PSME4: variants seen among roughly 807,000 people sequenced by gnomAD.
PSME4 encodes the protein proteasome activator complex subunit 4.
A neutral mutation model predicts 253.9 loss-of-function variants in PSME4; 89 were observed. The observed-to-expected ratio is 0.35, with a 90% CI of 0.30 to 0.42. The LOEUF (loss-of-function observed/expected upper bound fraction) is 0.42. PSME4 is among the 10% of genes least tolerant of loss of function. The pLI, the probability that PSME4 is intolerant of heterozygous loss-of-function variation, is 1.00. For missense variants in PSME4, 2,014 were observed against 2,195.2 expected (o/e 0.92, Z 1.65); for synonymous variants, 851 against 759.2 (o/e 1.12, Z -1.99).
At chr2:53,942,898 G>T (rs805365) in intron 3 of PSME4, among the ~76,000 whole-genome samples, 43,618 of 152,030 alleles carry the variant, frequency 0.29, 6,710 homozygotes, top group South Asian at 0.47. Context: ...TCTTGTTCCA[G>T]TTTCAACCAA....
At chr2:53,967,468 C>G (rs1670791036) in intron 1 of PSME4, among the ~76,000 whole-genome samples, 1 of 151,298 alleles carries the variant, frequency 6.6e-6, no homozygotes, top group African/African-American at 2.4e-5. Context: ...ATGGTGAAAC[C>G]CCGTCTCTAC....
intron 40 of PSME4, among the ~76,000 whole-genome samples, 177 bp from the exon 41 acceptor site, chr2:53,885,952 A>C (rs1041410771): frequency 1.3e-5 from 2 of 152,214 alleles, no homozygotes; most frequent in Non-Finnish European, 2.9e-5. Flanking sequence ...GTATAACAGC[A>C]CCCAAAATAA....
intron 26 of PSME4, among the ~76,000 whole-genome samples, chr2:53,905,418 T>G (rs911229854): frequency 1.2e-4 from 19 of 152,172 alleles, no homozygotes; most frequent in African/African-American, 4.1e-4. Flanking sequence ...AATGTTCAGG[T>G]AGCCGGGCAT....
At chr2:53,953,415 G>A (rs571283595) in intron 1 of PSME4, among the ~76,000 whole-genome samples, 3 of 149,872 alleles carry the variant, frequency 2.0e-5, no homozygotes, top group African/African-American at 4.9e-5. Flanking sequence ...TTTGGGAGGC[G>A]AAGGCAGGAG....
intron 43 of PSME4, among the ~76,000 whole-genome samples, chr2:53,871,306 A>G (rs1036985373): frequency 6.6e-6 from 1 of 151,874 alleles, no homozygotes; most frequent in African/African-American, 2.4e-5. Flanking sequence ...GATGGAGTGC[A>G]GTGGCACGAT....
intron 17 of PSME4, among the ~76,000 whole-genome samples, chr2:53,922,281 T>C (rs1297975607): frequency 6.6e-6 from 1 of 152,160 alleles, no homozygotes; most frequent in African/African-American, 2.4e-5. Context: ...AATTAATGAG[T>C]TACCCATATT....
intron 41 of PSME4, among the ~76,000 whole-genome samples, chr2:53,878,031 A>C (rs969038678): frequency 6.6e-6 from 1 of 152,196 alleles, no homozygotes; most frequent in Non-Finnish European, 1.5e-5. Flanking sequence ...ATAACCAATA[A>C]AGAGGGGTGT....
rs1558701400 is a variant in PSME4, at chr2:53,936,747, GA to G, written c.759+16del. 19 of 1,539,558 alleles carry G rather than the reference GA, an allele frequency of 1.2e-5. No individual in the cohort carries two copies. The highest frequency in any genetic ancestry group is 4.8e-5 in the East Asian group (2 of 42,012). ...AAAAAACTATAGGGGGGAAGAAAGG[GA>G]AAAAGGGATACTTACCCCCTCCCAT... On this transcript the variant is annotated intron_variant, in intron 6 of 46. Coordinates refer to ENST00000404125, the MANE Select transcript of PSME4 (RefSeq NM_014614.3).
At chr2:53,867,116 T>C (rs1678602372) in intron 44 of PSME4, among the ~76,000 whole-genome samples, 1 of 152,212 alleles carries the variant, frequency 6.6e-6, no homozygotes, top group East Asian at 1.9e-4. Flanking sequence ...CCCAGCACTT[T>C]GGGAGGCCAA....
rs1553409706 is a variant in PSME4 at position 53,901,573 on chromosome 2, A to AT, written c.3076-15_3076-14insA. ...GTACAAGGCACCCTGCAGAAAAAAA[A>AT]ATATATATATGTTTACATGGGAAAT... On this transcript the variant is annotated splice_polypyrimidine_tract_variant and intron_variant, in intron 27 of 46. Transcript: ENST00000404125. 19 of 1,585,672 alleles carry AT rather than the reference A, an allele frequency of 1.2e-5. No individual in the cohort carries two copies. The highest frequency in any genetic ancestry group is 1.6e-5 in the Non-Finnish European group (18 of 1,158,544).
rs904203691 is a variant in PSME4 at position 53,898,650 on chromosome 2, C to T, written c.3423-296G>A. Among the ~76,000 whole-genome samples, 33 of 151,982 alleles carry T rather than the reference C, an allele frequency of 2.2e-4. 1 individual carries two copies. Among genetic ancestry groups the T allele is most frequent in the African/African-American group, 7.0e-4 (29 of 41,450 alleles). Reference sequence around the variant, plus strand: ...TGGGAGTGGCACACACACACACACACACACACACACACACACACACACGAT... The same window carrying T: ...TGGGAGTGGCACACACACACACACATACACACACACACACACACACACGAT... On this transcript the variant is annotated intron_variant, in intron 29 of 46. Transcript: ENST00000404125.
chr2:53,967,623 G>T (rs1030157069), intron 1 of PSME4, among the ~76,000 whole-genome samples: 13 of 115,480 alleles, frequency 1.1e-4, no homozygotes, highest in Non-Finnish European at 2.0e-4. Context: ...ACTATCTTGT[G>T]TCTGGGCAAC....
At chr2:53,932,588 G>A (rs1668886392) in intron 9 of PSME4, 80 bp downstream of exon 9, 3 of 1,167,350 alleles carry the variant, frequency 2.6e-6, no homozygotes, top group Non-Finnish European at 3.9e-6. Flanking sequence ...ATGTATTACA[G>A]GTCACACAAT....
chr2:53,967,101 C>T (rs540764654), intron 1 of PSME4, among the ~76,000 whole-genome samples: 3 of 152,150 alleles, frequency 2.0e-5, no homozygotes, highest in Admixed American at 6.5e-5. Flanking sequence ...TGTCCAAAGA[C>T]CATTAATTTG....
chr2:53,908,898 A>T, intron 21 of PSME4, 58 bp from the exon 22 acceptor site: 1 of 1,309,434 alleles, frequency 7.6e-7, no homozygotes, highest in Non-Finnish European at 1.1e-6. Context: ...CAGACTTTTA[A>T]AGTTTATATC....
chr2:53,872,710 ACAG>A (rs1678934615), intron 43 of PSME4, among the ~76,000 whole-genome samples: 2 of 140,730 alleles, frequency 1.4e-5, no homozygotes, highest in African/African-American at 5.3e-5. Flanking sequence ...CCACTGCACT[ACAG>A]CCTGGACAAC....
intron 43 of PSME4, among the ~76,000 whole-genome samples, chr2:53,873,818 GA>G (rs894296003): frequency 2.0e-5 from 3 of 152,266 alleles, no homozygotes; most frequent in African/African-American, 7.2e-5. Flanking sequence ...TCATGGTTAA[GA>G]AAACTTGGGT....
chr2:53,899,131 C>G (rs965318874), intron 29 of PSME4, among the ~76,000 whole-genome samples: 2 of 152,198 alleles, frequency 1.3e-5, no homozygotes, highest in Admixed American at 1.3e-4. Context: ...GGGGCACGAT[C>G]TCTGCTCACT....
chr2:53,910,682 A>AGC (rs1667789540), intron 20 of PSME4, among the ~76,000 whole-genome samples: 1 of 152,234 alleles, frequency 6.6e-6, no homozygotes, highest in Non-Finnish European at 1.5e-5. Flanking sequence ...TATAAGCGGT[A>AGC]GCCCTGCTCC....
Sources: gnomAD v4.1 joint callset for allele counts (sites outside exome capture counted in the v4.1 genomes callset) on GRCh38, gnomAD v4.1.1 for gene constraint, MANE v1.5 for transcripts, NCBI Gene and HGNC (gene_info 2026-07-23, HGNC 2026-07-21) for gene names.